The following ANK3 variants were observed in gnomAD, a reference collection of about 807,000 sequenced individuals.
ANK3 encodes the protein ankyrin 3.
ANK3 carries 57 observed loss-of-function variants against 370.9 expected under a neutral mutation model. The observed-to-expected ratio is 0.15, with a 90% confidence interval of 0.12 to 0.19. The LOEUF (loss-of-function observed/expected upper bound fraction) is 0.19, where lower values mean the gene tolerates loss of function less well. Ranked by LOEUF, ANK3 falls within the 10% of genes least tolerant of loss-of-function variation. The pLI is 1.00. For synonymous variants in ANK3, 1,929 were observed against 1,946.3 expected (o/e 0.99, Z 0.23); for missense variants, 4,439 against 5,302.1 (o/e 0.84, Z 5.06).
intron 29 of ANK3, 78 bp from the exon 30 acceptor site, chr10:60,086,962 T>G (rs1005237092): frequency 1.2e-5 from 9 of 725,706 alleles, no homozygotes; most frequent in East Asian, 4.3e-5. Context: ...ACTTTTTAAG[T>G]GAGAAGGAAA....
chr10:60,336,090 CGG>C (rs112016027), intron 1 of ANK3, among the ~76,000 whole-genome samples: 1,929 of 148,798 alleles, frequency 0.013, 42 homozygotes, highest in African/African-American at 0.046. Context: ...CATAGTTTGG[CGG>C]GGGGGGGAAG....
At chr10:60,481,875 A>C (rs2075227797) in intron 2 of ANK3, among the ~76,000 whole-genome samples, 1 of 152,174 alleles carries the variant, frequency 6.6e-6, no homozygotes, top group African/African-American at 2.4e-5. Context: ...CTTTATCCCC[A>C]GTGAATTGCA....
intron 2 of ANK3, among the ~76,000 whole-genome samples, chr10:60,589,332 G>T (rs2077878051): frequency 6.6e-6 from 1 of 152,064 alleles, no homozygotes; most frequent in Admixed American, 6.6e-5. Flanking sequence ...ATGATAAAAA[G>T]TTTAGGCAAA....
At chr10:60,511,525 T>C (rs2076079489) in intron 2 of ANK3, among the ~76,000 whole-genome samples, 1 of 152,126 alleles carries the variant, frequency 6.6e-6, no homozygotes, top group Admixed American at 6.6e-5. Context: ...AGAGATAAAA[T>C]AAATACTTAA....
chr10:60,323,406 A>G (rs192980441), intron 1 of ANK3, among the ~76,000 whole-genome samples: 31 of 152,294 alleles, frequency 2.0e-4, no homozygotes, highest in Admixed American at 9.8e-4. Context: ...TGGCTAAGTT[A>G]TAAATATTTA....
At position 60,068,958 on chromosome 10, in the gene ANK3, T is replaced by C. The variant is rs1564746361; in HGVS notation, c.11923A>G (p.Thr3975Ala). 1 of 1,613,558 alleles carries C rather than the reference T, an allele frequency of 6.2e-7. No individual in the cohort carries two copies. The highest frequency in any genetic ancestry group is 1.7e-5 in the Admixed American group (1 of 59,960). Reference sequence around the variant, plus strand: ...TTAACTGTGCAGCTGGTGGTGGTGGTAGTGGTGGTAGTGGTGGTGGTGGTG... The same window carrying C: ...TTAACTGTGCAGCTGGTGGTGGTGGCAGTGGTGGTAGTGGTGGTGGTGGTG... ...TATTTTTTTTTTTTSCTVKVR... is the reference protein window; with the variant it reads ...TATTTTTTTTATTTSCTVKVR... The change falls in exon 37 of 44, where the codon ACC (threonine) becomes GCC (alanine). Residue 3975 changes from threonine (T) to alanine (A), a missense_variant. Physicochemically the swap from Thr to Ala is moderately conservative, Grantham distance 58. This residue lies in a region of ANK3 where 496 missense variants were observed against 529.3 expected (regional missense o/e 0.94). Coordinates refer to ENST00000280772, the MANE Select transcript of ANK3 (RefSeq NM_020987.5).
intron 1 of ANK3, among the ~76,000 whole-genome samples, chr10:60,696,466 C>A (rs1382570999): frequency 1.3e-5 from 2 of 151,416 alleles, no homozygotes; most frequent in Admixed American, 1.3e-4. Flanking sequence ...GAATTTTAGA[C>A]CAATATCCTT....
At chr10:60,098,754 G>A (rs1213853252) in intron 28 of ANK3, among the ~76,000 whole-genome samples, 4 of 152,124 alleles carry the variant, frequency 2.6e-5, no homozygotes, top group Admixed American at 6.6e-5. Context: ...TAATTTTAGT[G>A]TTTAACTCAT....
chr10:60,190,273 G>A (rs913212059), intron 16 of ANK3, among the ~76,000 whole-genome samples: 1 of 152,202 alleles, frequency 6.6e-6, no homozygotes, highest in Non-Finnish European at 1.5e-5. Context: ...TGAGGTTGCT[G>A]CTGTCACATC....
rs536808468 is a variant in ANK3, at chr10:60,317,316, G to A, written c.115-37677C>T. 5.9e-5 allele frequency among the ~76,000 whole-genome samples: 9 copies of A among 151,966 alleles called. No homozygotes were observed. In the East Asian group the frequency reaches 1.8e-3, roughly 30 times the overall value. The stretch of plus-strand genomic sequence containing the variant: ...ATTTTTAAGTTTTTAGTAGAGACAG[G>A]GTTTTGCCACGATAGCCAGACTGGG... On this transcript the variant is annotated intron_variant, in intron 1 of 43. Transcript: ENST00000280772.
chr10:60,669,088 G>T lies in ANK3; in HGVS notation c.58-53864C>A, dbSNP rs191730655. On this transcript the variant is annotated intron_variant, in intron 1 of 43. Coordinates refer to the ANK3 transcript ENST00000373827. Reference sequence around the variant, plus strand: ...GTGATCTCCAGGTTTTGAGAAAGGGGCTAAGTGGTCAGACCTATGTTGTCT... The same window carrying T: ...GTGATCTCCAGGTTTTGAGAAAGGGTCTAAGTGGTCAGACCTATGTTGTCT... Among the ~76,000 whole-genome samples, 9 of 152,264 alleles carry T rather than the reference G, an allele frequency of 5.9e-5. No individual in the cohort carries two copies. In the East Asian group the frequency reaches 1.7e-3, roughly 29 times the overall value.
intron 1 of ANK3, among the ~76,000 whole-genome samples, chr10:60,331,511 T>C (rs2051295842): frequency 6.6e-6 from 1 of 151,422 alleles, no homozygotes; most frequent in African/African-American, 2.4e-5. Flanking sequence ...TTAAATTTTT[T>C]AAAAGTTAAG....
At chr10:60,701,825 G>T (rs2079549032) in intron 1 of ANK3, among the ~76,000 whole-genome samples, 1 of 152,120 alleles carries the variant, frequency 6.6e-6, no homozygotes, top group South Asian at 2.1e-4. Context: ...TGTATCAAAA[G>T]TAGCCTATTA....
At chr10:60,311,849 AG>A (rs1295730647) in intron 1 of ANK3, among the ~76,000 whole-genome samples, 2 of 152,204 alleles carry the variant, frequency 1.3e-5, no homozygotes, top group Non-Finnish European at 2.9e-5. Flanking sequence ...AATCTAAAGT[AG>A]GTCTGAAATC....
chr10:60,717,316 T>C (rs1044082275), intron 1 of ANK3, among the ~76,000 whole-genome samples: 13 of 152,156 alleles, frequency 8.5e-5, no homozygotes, highest in African/African-American at 2.7e-4. Context: ...TTTGCTCACA[T>C]TCCACTTCTG....
intron 2 of ANK3, among the ~76,000 whole-genome samples, chr10:60,578,931 G>A (rs971118981): frequency 2.0e-5 from 3 of 152,008 alleles, no homozygotes; most frequent in East Asian, 1.9e-4. Flanking sequence ...TGATGAGTAC[G>A]TCTGGATATC....
chr10:60,394,739 C>T (rs1393113319), upstream of ANK3, among the ~76,000 whole-genome samples: 1 of 152,156 alleles, frequency 6.6e-6, no homozygotes, highest in African/African-American at 2.4e-5. Context: ...GAGTGCAAAG[C>T]AGGCACCAAG....
intron 1 of ANK3, among the ~76,000 whole-genome samples, chr10:60,680,308 C>T (rs2079178841): frequency 6.6e-6 from 1 of 152,180 alleles, no homozygotes; most frequent in South Asian, 2.1e-4. Context: ...CTGCTCGCAC[C>T]ACAGTAATGG....
chr10:60,592,163 C>A (rs10733766), intron 2 of ANK3, among the ~76,000 whole-genome samples: 71,562 of 151,906 alleles, frequency 0.47, 17,260 homozygotes, highest in Middle Eastern at 0.52. Context: ...CATTGAATGC[C>A]TGTATCAAAA....
Sources: allele counts gnomAD v4.1 joint callset (sites outside exome capture counted in the v4.1 genomes callset), GRCh38; gene constraint gnomAD v4.1.1; regional missense constraint gnomAD v4.1.1; transcripts MANE v1.5; gene names NCBI Gene and HGNC (gene_info 2026-07-23, HGNC 2026-07-21).